ILRUN: variants seen among roughly 807,000 people sequenced by gnomAD.
ILRUN encodes inflammation and lipid regulator with UBA-like and NBR1-like domains.
In ILRUN, 3 loss-of-function variants were observed where a neutral mutation model predicts 33.8. That is an observed-to-expected ratio of 0.09 (90% CI 0.04 to 0.23). The LOEUF (loss-of-function observed/expected upper bound fraction) is 0.23, where lower values mean the gene tolerates loss of function less well. Among genes scored for constraint, ILRUN ranks in the 10% least tolerant of loss-of-function variants. ILRUN has a pLI of 1.00. For missense variants in ILRUN, 210 were observed against 375.1 expected (o/e 0.56, Z 3.64); for synonymous variants, 124 against 138.9 (o/e 0.89, Z 0.75).
At chr6:34,611,098 A>ATTC (rs1562001261) in intron 3 of ILRUN, among the ~76,000 whole-genome samples, 1 of 79,646 alleles carries the variant, frequency 1.3e-5, no homozygotes, top group African/African-American at 6.1e-5. Context: ...TTTCTTTCTG[A>ATTC]TGTCTTTTTT....
rs566966438 is a variant in ILRUN at position 34,606,994 on chromosome 6, C to A, written c.512-90G>T. The A allele has an allele frequency of 5.1e-5, 49 of 957,120 alleles. No homozygotes were observed. In the African/African-American group the frequency reaches 7.1e-4, roughly 14 times the overall value. The allele number at this position is 957,120 out of a possible 1,614,324, so 59.3% of individuals were successfully genotyped here. A position where few individuals can be genotyped will look rare whatever the true frequency, so the allele number is the denominator to read the frequency against. On this transcript the variant is annotated intron_variant, in intron 3 of 4. Transcript: ENST00000374023. ...CCAAAAACCCCAAACATTATCCAAA[C>A]CACAGAATGAAACATTCTTCTATAT... is the stretch of plus-strand genomic sequence containing the variant.
At chr6:34,633,792 A>G (rs1248047495) in intron 3 of ILRUN, among the ~76,000 whole-genome samples, 2 of 150,054 alleles carry the variant, frequency 1.3e-5, no homozygotes, top group African/African-American at 4.9e-5. Flanking sequence ...ATGGAAAGGG[A>G]AAGAAAAGAA....
At chr6:34,645,651 C>T (rs1172165814) in intron 3 of ILRUN, among the ~76,000 whole-genome samples, 1 of 152,162 alleles carries the variant, frequency 6.6e-6, no homozygotes, top group African/African-American at 2.4e-5. Context: ...GGATTATAGG[C>T]GTGTGCCACC....
At position 34,589,297 on chromosome 6, in the gene ILRUN, C is replaced by T. The variant is rs754282210; in HGVS notation, c.*1268G>A. The T allele has an allele frequency of 6.6e-6, 1 of 152,252 alleles. No homozygotes were observed. The highest frequency in any genetic ancestry group is 1.5e-5 in the Non-Finnish European group (1 of 68,048). The allele number at this position is 152,252 out of a possible 1,614,324, so 9.4% of individuals were successfully genotyped here. A position where few individuals can be genotyped will look rare whatever the true frequency, so the allele number is the denominator to read the frequency against. ...CAGCCTCTTGCTTCAGCTGGGCTGC[C>T]ACTTGCCCACCTCCCAGCCAATAAT... On this transcript the variant is annotated 3_prime_UTR_variant, in exon 5 of 5. Coordinates refer to ENST00000374023, the MANE Select transcript of ILRUN (RefSeq NM_024294.4).
At chr6:34,661,484 A>G (rs147920269) in intron 1 of ILRUN, among the ~76,000 whole-genome samples, 96 of 152,302 alleles carry the variant, frequency 6.3e-4, no homozygotes, top group Middle Eastern at 3.4e-3. Flanking sequence ...AACTGGAACT[A>G]AGAAAGTTTC....
intron 4 of ILRUN, among the ~76,000 whole-genome samples, chr6:34,598,603 T>C (rs1342977337): frequency 6.6e-6 from 1 of 152,016 alleles, no homozygotes; most frequent in Non-Finnish European, 1.5e-5. Context: ...GCCACAAGAG[T>C]GCACAGCATC....
At chr6:34,607,620 T>G (rs1471581786) in intron 3 of ILRUN, among the ~76,000 whole-genome samples, 2 of 148,680 alleles carry the variant, frequency 1.3e-5, no homozygotes, top group Admixed American at 6.7e-5. Context: ...ATTAGGCAAT[T>G]TATCACTGTG....
At chr6:34,695,012 C>G (rs903125138) in intron 1 of ILRUN, among the ~76,000 whole-genome samples, 1 of 142,300 alleles carries the variant, frequency 7.0e-6, no homozygotes, top group African/African-American at 2.6e-5. Flanking sequence ...GGTTGCGTCA[C>G]TGCACTCCAG....
intron 4 of ILRUN, among the ~76,000 whole-genome samples, chr6:34,602,115 C>CT (rs951674684): frequency 1.9e-4 from 29 of 149,032 alleles, no homozygotes; most frequent in East Asian, 1.8e-3. Flanking sequence ...GCCTCGAACA[C>CT]TTTTTTTTTT....
In ILRUN at chr6:34,649,997, T is replaced by C. The variant is rs374992171; in HGVS notation, c.314-3199A>G. Reference sequence around the variant, plus strand: ...TCCCATCCCTTTATATTCACTTCTATGAAGTTCAAAAAATAAAGACGACTC... The same window carrying C: ...TCCCATCCCTTTATATTCACTTCTACGAAGTTCAAAAAATAAAGACGACTC... On this transcript the variant is annotated intron_variant, in intron 2 of 4. Transcript: ENST00000374023. Among the ~76,000 whole-genome samples the C allele has an allele frequency of 1.6e-4, 25 of 152,314 alleles. No individual in the cohort carries two copies. The East Asian group carries it at 4.4e-3, about 27-fold the overall frequency.
chr6:34,652,649 CAG>C (rs748294720), intron 2 of ILRUN, among the ~76,000 whole-genome samples: 8 of 152,278 alleles, frequency 5.3e-5, no homozygotes, highest in Non-Finnish European at 8.8e-5. Flanking sequence ...TTTGAGTCCT[CAG>C]AGTTTTAAAT....
At chr6:34,616,800 G>C in intron 3 of ILRUN, 2 of 696,222 alleles carry the variant, frequency 2.9e-6, no homozygotes, top group South Asian at 3.1e-5. Flanking sequence ...ATTAGGATCA[G>C]AGGTATCAAT....
At chr6:34,632,329 T>C (rs1484583647) in intron 3 of ILRUN, among the ~76,000 whole-genome samples, 2 of 151,970 alleles carry the variant, frequency 1.3e-5, no homozygotes, top group Non-Finnish European at 2.9e-5. Context: ...TAGTCCTAGC[T>C]ACTAGAGAGG....
At chr6:34,602,221 T>C (rs1168094674) in intron 4 of ILRUN, among the ~76,000 whole-genome samples, 4 of 152,144 alleles carry the variant, frequency 2.6e-5, no homozygotes, top group African/African-American at 9.7e-5. Flanking sequence ...TCATTACTCC[T>C]TTAGTGAAAG....
At chr6:34,660,112 G>A (rs1182882420) in intron 1 of ILRUN, among the ~76,000 whole-genome samples, 5 of 150,448 alleles carry the variant, frequency 3.3e-5, no homozygotes, top group Non-Finnish European at 7.4e-5. Flanking sequence ...GACTAGCCTA[G>A]GTAACATGGC....
chr6:34,606,670 G>GTGTCAGGAGCAGGAGCCCATA lies in ILRUN; in HGVS notation c.745_746insTATGGGCTCCTGCTCCTGACA (p.Asp248_Thr249insIleTrpAlaProAlaProAsp). The GTGTCAGGAGCAGGAGCCCATA allele has an allele frequency of 6.2e-7, 1 of 1,612,574 alleles. No individual in the cohort carries two copies. Among genetic ancestry groups the GTGTCAGGAGCAGGAGCCCATA allele is most frequent in the Non-Finnish European group, 8.5e-7 (1 of 1,178,614 alleles). ...AGTTTGGTCAGGAGCAGGAGCCCAT[G>GTGTCAGGAGCAGGAGCCCATA]TGTCAGGAGCAGGAGCCCATGTGTT... is the stretch of plus-strand genomic sequence containing the variant. On this transcript the variant is annotated inframe_insertion, in exon 4 of 5. Coordinates refer to ENST00000374023, the MANE Select transcript of ILRUN (RefSeq NM_024294.4).
chr6:34,621,435 T>C (rs755230064), intron 3 of ILRUN, among the ~76,000 whole-genome samples: 8 of 152,156 alleles, frequency 5.3e-5, no homozygotes, highest in Non-Finnish European at 8.8e-5. Context: ...ATTGCAGAGA[T>C]CCCTCTGCAA....
rs150104396 is a variant in ILRUN, at chr6:34,661,762, T to G, written c.159-6983A>C. Among the ~76,000 whole-genome samples, 684 of 152,260 alleles carry G rather than the reference T, an allele frequency of 4.5e-3. 4 individuals carry two copies. Among genetic ancestry groups the G allele is most frequent in the Non-Finnish European group, 4.9e-3 (334 of 68,028 alleles). On this transcript the variant is annotated intron_variant, in intron 1 of 4. Transcript: ENST00000374023. ...AGTTTGTTACTTTCAACATAATAGG[T>G]CCAAATTAGTTCAATATTGTATAAT...
chr6:34,658,108 G>A (rs1762812442), intron 1 of ILRUN, among the ~76,000 whole-genome samples: 1 of 152,174 alleles, frequency 6.6e-6, no homozygotes, highest in Non-Finnish European at 1.5e-5. Context: ...CAACACTTTG[G>A]GAGGCAGAGG....
Sources: gnomAD v4.1 joint callset for allele counts (sites outside exome capture counted in the v4.1 genomes callset) on GRCh38, gnomAD v4.1.1 for gene constraint, MANE v1.5 for transcripts, NCBI Gene and HGNC (gene_info 2026-07-23, HGNC 2026-07-21) for gene names.